The following PCDH11X variants were observed in gnomAD, a reference collection of about 807,000 sequenced individuals.
PCDH11X encodes protocadherin 11 X-linked.
Under a neutral mutation model 53.3 loss-of-function variants are expected in PCDH11X, and 18 were observed. The ratio of observed to expected loss-of-function variants is 0.34; its 90% confidence interval spans 0.23 to 0.50. The LOEUF (loss-of-function observed/expected upper bound fraction) is 0.50. Ranked by LOEUF, PCDH11X falls within the 20% of genes least tolerant of loss-of-function variation. The pLI is 0.98. For missense variants in PCDH11X, 570 were observed against 1,032.4 expected, an observed-to-expected ratio of 0.55 and a Z score of 6.14; for synonymous variants, 279 against 393.3, an observed-to-expected ratio of 0.71 and a Z score of 3.44.
intron 10 of PCDH11X, among the ~76,000 whole-genome samples, chrX:92,581,837 A>G (rs1288090816): frequency 9.2e-6 from 1 of 108,576 alleles, no homozygotes; most frequent in African/African-American, 3.4e-5. Flanking sequence ...TAATATGGAC[A>G]ATAAAGTCCA....
chrX:92,114,808 G>A lies in PCDH11X; in HGVS notation c.3034-86567G>A, dbSNP rs185128005. ...TGCACCCCTACTGGATCAAAAGAAT[G>A]TCACCTGTCCTTTCCATTTATTTAT... is the stretch of plus-strand genomic sequence containing the variant. On this transcript the variant is annotated intron_variant, in intron 6 of 10. Coordinates refer to ENST00000682573, the MANE Select transcript of PCDH11X (RefSeq NM_032968.5). Among the ~76,000 whole-genome samples, 112 of 108,767 alleles carry A rather than the reference G, an allele frequency of 1.0e-3. No individual in the cohort carries two copies. In the East Asian group the frequency reaches 0.016, roughly 15 times the overall value. The allele number at this position is 108,767 out of a possible 115,157, so 94.5% of individuals were successfully genotyped here.
In PCDH11X at chrX:92,575,942, T is replaced by TACACACACAC. The variant is rs1163516940; in HGVS notation, c.3368-42321_3368-42320insCACACACACA. The stretch of plus-strand genomic sequence containing the variant: ...ATATATATATATATATATATATATA[T>TACACACACAC]ATACACACACACACACACACACACA... On this transcript the variant is annotated intron_variant, in intron 10 of 10. Transcript: ENST00000682573. Among the ~76,000 whole-genome samples the TACACACACAC allele has an allele frequency of 1.3e-3, 30 of 23,439 alleles. 2 individuals are homozygous for TACACACACAC. Among genetic ancestry groups the TACACACACAC allele is most frequent in the East Asian group, 1.1e-3 (1 of 933 alleles). 20.4% of individuals were successfully genotyped at this position (23,439 alleles called of 115,157 possible).
intron 8 of PCDH11X, among the ~76,000 whole-genome samples, chrX:92,321,439 A>T (rs1432311223): frequency 9.1e-6 from 1 of 109,942 alleles, no homozygotes; most frequent in Admixed American, 9.7e-5. Context: ...CTTGTGATCC[A>T]CCTGCCTTGG....
At chrX:92,601,986 T>A (rs1926281040) in intron 10 of PCDH11X, among the ~76,000 whole-genome samples, 2 of 111,926 alleles carry the variant, frequency 1.8e-5, no homozygotes, top group South Asian at 7.4e-4. Context: ...CATACTCCAA[T>A]TCACTTATAG....
chrX:92,086,512 G>A (rs1463568667), intron 6 of PCDH11X, among the ~76,000 whole-genome samples: 1 of 110,987 alleles, frequency 9.0e-6, no homozygotes, highest in African/African-American at 3.3e-5. Flanking sequence ...TTTATGAAAC[G>A]TTTGTCTATT....
chrX:92,521,751 A>G (rs1478577643), intron 10 of PCDH11X, among the ~76,000 whole-genome samples: 1 of 108,515 alleles, frequency 9.2e-6, no homozygotes, highest in Non-Finnish European at 1.9e-5. Context: ...AGCCACCTCC[A>G]TGAATTACTT....
At chrX:92,321,452 T>C (rs1256171556) in intron 8 of PCDH11X, among the ~76,000 whole-genome samples, 2 of 110,798 alleles carry the variant, frequency 1.8e-5, no homozygotes, top group Non-Finnish European at 3.8e-5. Flanking sequence ...TGCCTTGGCC[T>C]CCCAAAGTGC....
chrX:91,847,196 C>A (rs1937726493), intron 5 of PCDH11X, among the ~76,000 whole-genome samples: 2 of 109,769 alleles, frequency 1.8e-5, no homozygotes, highest in Admixed American at 2.0e-4. Flanking sequence ...ACAGTGTTGC[C>A]CAGGCTGGAG....
intron 9 of PCDH11X, among the ~76,000 whole-genome samples, chrX:92,388,138 A>G (rs1198451995): frequency 9.0e-6 from 1 of 111,390 alleles, no homozygotes; most frequent in Admixed American, 9.6e-5. Context: ...ACTACGCTGA[A>G]TGAAATTTAT....
chrX:92,266,832 C>T (rs753722037), intron 8 of PCDH11X, among the ~76,000 whole-genome samples: 18 of 109,708 alleles, frequency 1.6e-4, no homozygotes, highest in Non-Finnish European at 3.0e-4. Context: ...GCAACCTCTA[C>T]CTCCCAGGTT....
At position 91,878,278 on chromosome X, in the gene PCDH11X, T is replaced by G. The variant is rs777975302; in HGVS notation, c.2038T>G (p.Cys680Gly). 4.1e-6 allele frequency: 5 copies of G among 1,209,146 alleles called. No homozygotes were observed. The highest frequency in any genetic ancestry group is 2.2e-5 in the Admixed American group (1 of 45,558). ...AGTTTTCATTGTCCCTCCTTCCAAC[T>G]GTTCTTATGAATTGGTTCTACCGTC... ...KPVFIVPPSNCSYELVLPSTN... is the reference protein window; with the variant it reads ...KPVFIVPPSNGSYELVLPSTN... The change falls in exon 6 of 11, where the codon TGT becomes GGT. Residue 680 changes from cysteine (C) to glycine (G), a missense_variant. Around this residue, in one of 6 missense-constraint regions of PCDH11X, gnomAD observed 226 missense variants for 457.5 expected, o/e 0.49. Transcript: ENST00000682573.
intron 6 of PCDH11X, among the ~76,000 whole-genome samples, chrX:92,094,924 C>G (rs749065087): frequency 8.9e-6 from 1 of 111,809 alleles, no homozygotes; most frequent in Non-Finnish European, 1.9e-5. Flanking sequence ...TCCACAAACA[C>G]ACATATTATT....
intron 6 of PCDH11X, among the ~76,000 whole-genome samples, chrX:92,104,652 A>T (rs1423408781): frequency 9.0e-6 from 1 of 110,805 alleles, no homozygotes; most frequent in Non-Finnish European, 1.9e-5. Context: ...GTTCTTAAGA[A>T]TACAGGCTAA....
intron 6 of PCDH11X, among the ~76,000 whole-genome samples, chrX:92,070,910 C>T (rs1199172043): frequency 2.7e-5 from 3 of 110,736 alleles, no homozygotes; most frequent in Non-Finnish European, 5.7e-5. Context: ...AGTAATTTTC[C>T]TGCCTCAGCC....
At chrX:92,484,215 A>G (rs187675995) in intron 10 of PCDH11X, among the ~76,000 whole-genome samples, 2 of 80,164 alleles carry the variant, frequency 2.5e-5, no homozygotes, top group African/African-American at 1.4e-4. Flanking sequence ...ATGTATATAT[A>G]TGTATATATG....
At chrX:92,173,692 A>G (rs190143855) in intron 6 of PCDH11X, among the ~76,000 whole-genome samples, 1 of 110,548 alleles carries the variant, frequency 9.0e-6, no homozygotes, top group Admixed American at 9.8e-5. Flanking sequence ...TTATCTTTCA[A>G]GGATGTAATG....
intron 10 of PCDH11X, among the ~76,000 whole-genome samples, chrX:92,472,002 T>C (rs1248165526): frequency 9.0e-6 from 1 of 111,420 alleles, no homozygotes; most frequent in Non-Finnish European, 1.9e-5. Context: ...ATGCTGGATA[T>C]TAGACCTTTG....
chrX:92,280,452 G>A (rs1260245669), intron 8 of PCDH11X, among the ~76,000 whole-genome samples: 2 of 109,436 alleles, frequency 1.8e-5, no homozygotes, highest in East Asian at 5.7e-4. Flanking sequence ...GGAGGCTGTG[G>A]TGGAGGTTGC....
chrX:92,251,666 G>A (rs1265347322), intron 7 of PCDH11X, among the ~76,000 whole-genome samples: 3 of 111,179 alleles, frequency 2.7e-5, no homozygotes, highest in Non-Finnish European at 3.8e-5. Flanking sequence ...TACTTGTAAA[G>A]CATTTACTTA....
Sources: gnomAD v4.1 joint callset for allele counts (sites outside exome capture counted in the v4.1 genomes callset) on GRCh38, gnomAD v4.1.1 for gene constraint, gnomAD v4.1.1 regional missense constraint, MANE v1.5 for transcripts, NCBI Gene and HGNC (gene_info 2026-07-23, HGNC 2026-07-21) for gene names.